Variants in TK1 observed in about 807,000 individuals in gnomAD.
The protein encoded by TK1 is thymidine kinase, cytosolic.
In TK1, 13 loss-of-function variants were observed where a neutral mutation model predicts 22.4. The ratio of observed to expected loss-of-function variants is 0.58; its 90% CI spans 0.38 to 0.92. The LOEUF is 0.92. Among genes scored for constraint, TK1 ranks in the 40% least tolerant of loss-of-function variants. The pLI is 0.00. For synonymous variants in TK1, 134 were observed against 125.4 expected, an observed-to-expected ratio of 1.07 and a Z score of -0.46; for missense variants, 251 against 315.7, an observed-to-expected ratio of 0.80 and a Z score of 1.55.
intron 3 of TK1, among the ~76,000 whole-genome samples, chr17:78,184,354 C>T (rs1170976173): frequency 1.3e-5 from 2 of 152,226 alleles, no homozygotes; most frequent in Non-Finnish European, 2.9e-5. Context: ...TAATGTGTGG[C>T]ACAGCATGGC....
chr17:78,187,053 C>A (rs769335233), upstream of TK1: 8 of 1,550,046 alleles, frequency 5.2e-6, no homozygotes, highest in Admixed American at 1.4e-4. Flanking sequence ...GCAGTAAGCC[C>A]CTGGTTCCCG....
chr17:78,178,969 G>A (rs554510341), intron 4 of TK1, among the ~76,000 whole-genome samples: 1 of 152,262 alleles, frequency 6.6e-6, no homozygotes, highest in African/African-American at 2.4e-5. Context: ...AGTTTTACTT[G>A]CTGGCCAGGG....
At chr17:78,177,634 C>T (rs566700539) in intron 4 of TK1, among the ~76,000 whole-genome samples, 6 of 150,460 alleles carry the variant, frequency 4.0e-5, no homozygotes, top group East Asian at 1.9e-4. Flanking sequence ...AGTGCAGTGG[C>T]GTGATCTCAG....
intron 4 of TK1, among the ~76,000 whole-genome samples, chr17:78,181,516 C>T (rs1249304063): frequency 1.4e-5 from 2 of 143,818 alleles, no homozygotes; most frequent in East Asian, 2.0e-4. Flanking sequence ...CCAGCCTGGG[C>T]GACAGAGTAA....
At chr17:78,184,210 C>T (rs2075762257) in intron 3 of TK1, among the ~76,000 whole-genome samples, 1 of 152,252 alleles carries the variant, frequency 6.6e-6, no homozygotes, top group Non-Finnish European at 1.5e-5. Context: ...AAGCACCCTC[C>T]ACTCCACCAG....
intron 4 of TK1, among the ~76,000 whole-genome samples, chr17:78,182,371 CAAAAAA>C (rs560357822): frequency 9.7e-5 from 8 of 82,246 alleles, no homozygotes; most frequent in African/African-American, 3.7e-4. Flanking sequence ...AACTCCGTCT[CAAAAAA>C]AAAAAAAAAA....
chr17:78,179,442 T>C, intron 4 of TK1: 1 of 985,386 alleles, frequency 1.0e-6, no homozygotes, highest in Non-Finnish European at 1.2e-6. Flanking sequence ...GGAATGGCCA[T>C]ACCCAAGCGG....
intron 4 of TK1, chr17:78,179,140 A>G: frequency 2.0e-6 from 2 of 984,690 alleles, no homozygotes; most frequent in Non-Finnish European, 2.4e-6. Flanking sequence ...ACGCAGAGCC[A>G]GGAGAACAGA....
At chr17:78,175,665 AG>A in intron 4 of TK1, 47 bp from the exon 5 acceptor site, 1 of 1,553,974 alleles carries the variant, frequency 6.4e-7, no homozygotes. Flanking sequence ...CCACCCCAGC[AG>A]CAGCTCCCTG....
At chr17:78,185,843 A>T (rs561849897) in intron 2 of TK1, among the ~76,000 whole-genome samples, 83 of 152,234 alleles carry the variant, frequency 5.5e-4, no homozygotes, top group Admixed American at 1.7e-3. Flanking sequence ...AGCTTTTCTA[A>T]ATTAATTTCA....
At position 78,174,585 on chromosome 17, in the gene TK1, G is replaced by A. The variant is rs2075683404; in HGVS notation, c.*174C>T. The A allele has an allele frequency of 1.4e-6, 1 of 700,604 alleles. No individual in the cohort carries two copies. The highest frequency in any genetic ancestry group is 2.3e-6 in the Non-Finnish European group (1 of 429,064). The allele number at this position is 700,604 out of a possible 1,614,324, so 43.4% of individuals were successfully genotyped here. On this transcript the variant is annotated 3_prime_UTR_variant, in exon 7 of 7. Transcript: ENST00000301634. ...GCTTTAAGCAGACCAGTGGGTAGGAGAGGAGGGAGCATGCGGCAGGTGGGG... is the reference window on the plus strand; with the variant it reads ...GCTTTAAGCAGACCAGTGGGTAGGAAAGGAGGGAGCATGCGGCAGGTGGGG...
At chr17:78,185,199 G>T in intron 2 of TK1, 34 bp from the exon 3 acceptor site, 1 of 1,564,534 alleles carries the variant, frequency 6.4e-7, no homozygotes, top group East Asian at 2.2e-5. Context: ...TGAGGTCCAC[G>T]GCGGGAGGAG....
At chr17:78,179,775 C>A (rs1567832341) in intron 4 of TK1, 1 of 984,702 alleles carries the variant, frequency 1.0e-6, no homozygotes. Context: ...GGGTATAGAA[C>A]TAGACTAAGT....
At position 78,185,102 on chromosome 17, in the gene TK1, C is replaced by T. The variant is rs1567835315; in HGVS notation, c.162G>A (p.Lys54=). 1 of 1,612,068 alleles carries T rather than the reference C, an allele frequency of 6.2e-7. No homozygotes were observed. The highest frequency in any genetic ancestry group is 8.5e-7 in the Non-Finnish European group (1 of 1,179,578). The change falls in exon 3 of 7, where the codon AAG becomes AAA. Residue 54 remains lysine (K), a synonymous_variant. Transcript: ENST00000301634. The part of the protein sequence containing the change: ...QIAQYKCLVI[K]YAKDTRYSSS... ...TGCTGTAGCGAGTGTCTTTGGCATA[C>T]TTGATCACCAGGCACTTGTACTGAG...
At chr17:78,187,056 G>T (rs375958106), upstream of TK1, 2 of 1,541,540 alleles carry the variant, frequency 1.3e-6, no homozygotes, top group East Asian at 2.4e-5. Flanking sequence ...GTAAGCCCCT[G>T]GTTCCCGCGC....
chr17:78,179,315 C>G, intron 4 of TK1: 2 of 985,440 alleles, frequency 2.0e-6, no homozygotes, highest in Non-Finnish European at 2.4e-6. Context: ...AGCCCTATTC[C>G]CAGCCTGGGC....
chr17:78,179,602 G>A (rs2075724833), intron 4 of TK1: 3 of 985,442 alleles, frequency 3.0e-6, no homozygotes, highest in Non-Finnish European at 3.6e-6. Context: ...CAGAATGTTG[G>A]GCAAGAACAG....
chr17:78,185,954 C>A (rs2075785632), intron 2 of TK1, among the ~76,000 whole-genome samples: 1 of 152,144 alleles, frequency 6.6e-6, no homozygotes, highest in Non-Finnish European at 1.5e-5. Flanking sequence ...CTGAAGTGAT[C>A]CCCAGGGCCA....
In TK1 at chr17:78,174,424, A is replaced by C; in HGVS notation, c.*335T>G. The C allele has an allele frequency of 3.4e-6, 1 of 294,118 alleles. No individual in the cohort carries two copies. The highest frequency in any genetic ancestry group is 2.2e-5 in the African/African-American group (1 of 45,756). 18.2% of individuals were successfully genotyped at this position (294,118 alleles called of 1,614,324 possible). A position where few individuals can be genotyped will look rare whatever the true frequency, so the allele number is the denominator to read the frequency against. On this transcript the variant is annotated 3_prime_UTR_variant, in exon 7 of 7. Coordinates refer to ENST00000301634, the MANE Select transcript of TK1 (RefSeq NM_003258.5). ...ACAGAAACTCAGCAGTGAAAGCCGCAGAGGGGAAGAAGCAGGCTGATGTCA... is the reference window on the plus strand; with the variant it reads ...ACAGAAACTCAGCAGTGAAAGCCGCCGAGGGGAAGAAGCAGGCTGATGTCA...
Sources: allele counts gnomAD v4.1 joint callset (sites outside exome capture counted in the v4.1 genomes callset), GRCh38; gene constraint gnomAD v4.1.1; transcripts MANE v1.5; gene names NCBI Gene and HGNC (gene_info 2026-07-23, HGNC 2026-07-21).